Variants in NR2E3 observed in about 807,000 individuals in gnomAD.
NR2E3 encodes the protein photoreceptor-specific nuclear receptor.
A neutral mutation model predicts 37.6 loss-of-function variants in NR2E3; 38 were observed. The observed-to-expected ratio is 1.01, with a 90% CI of 0.78 to 1.33. The LOEUF (loss-of-function observed/expected upper bound fraction) is 1.33. NR2E3 is among the 40% of genes most tolerant of loss of function. The pLI, the probability that NR2E3 is intolerant of heterozygous loss-of-function variation, is 0.00. For missense variants in NR2E3, 562 were observed against 558.7 expected, an observed-to-expected ratio of 1.01 and a Z score of -0.06; for synonymous variants, 235 against 225.1, an observed-to-expected ratio of 1.04 and a Z score of -0.39.
intron 7 of NR2E3, among the ~76,000 whole-genome samples, chr15:71,816,227 T>C (rs903051149): frequency 6.6e-6 from 1 of 152,126 alleles, no homozygotes; most frequent in East Asian, 1.9e-4. Context: ...CATCCGTCTT[T>C]TGTGTTGCGG....
In NR2E3 at chr15:71,812,030, G is replaced by T; in HGVS notation, c.425G>T (p.Arg142Leu). Residue 142 changes from arginine to leucine, a missense_variant, in exon 4 of 8, where the codon CGG becomes CTG. Coordinates refer to ENST00000617575, the MANE Select transcript of NR2E3 (RefSeq NM_014249.4). The stretch of plus-strand genomic sequence containing the variant: ...AGCATGGAGTCCAACACTGAGTCCC[G>T]GCCGGAGTCCCTGGTGGCTCCCCCG... ...LDSMESNTES[R>L]PESLVAPPAP... is the part of the protein sequence containing the mutation. 1 of 1,554,380 alleles carries T rather than the reference G, an allele frequency of 6.4e-7. No homozygotes were observed. The highest frequency in any genetic ancestry group is 1.2e-5 in the South Asian group (1 of 84,192).
At chr15:71,812,233 G>A in intron 4 of NR2E3, 57 bp downstream of exon 4, 1 of 1,607,786 alleles carries the variant, frequency 6.2e-7, no homozygotes, top group African/African-American at 1.3e-5. Flanking sequence ...GTCACAGCAG[G>A]GCTGCAGCGC....
Position 71,810,776 on chromosome 15 carries a change from C to A in NR2E3, c.33C>A (p.Ser11=). ...CCAGACCAACAGCTCTGATGAGCTC[C>A]ACAGTGGCTGCAGCTGCGCCTGCAG... METRPTALMS[S]TVAAAAPAAG... is the part of the protein sequence containing the mutation. Residue 11 remains serine (S), a synonymous_variant, in exon 1 of 8, where the codon TCC becomes TCA. Transcript: ENST00000617575. The A allele has an allele frequency of 6.3e-7, 1 of 1,577,252 alleles. No homozygotes were observed. The highest frequency in any genetic ancestry group is 1.2e-5 in the South Asian group (1 of 85,760).
intron 7 of NR2E3, among the ~76,000 whole-genome samples, chr15:71,816,598 C>A (rs1440754902): frequency 6.6e-6 from 1 of 152,068 alleles, no homozygotes; most frequent in Non-Finnish European, 1.5e-5. Context: ...ATATTTTTTT[C>A]AATGACTATC....
In NR2E3 at chr15:71,817,788, C is replaced by G; in HGVS notation, c.*104C>G. 9.3e-7 allele frequency: 1 copy of G among 1,070,270 alleles called. No individual in the cohort carries two copies. 66.3% of individuals were successfully genotyped at this position (1,070,270 alleles called of 1,614,324 possible). The stretch of plus-strand genomic sequence containing the variant: ...AGCAATTCCTCGTAGGTGTGTGTAC[C>G]CAGCAGAAATGCCCACCGAAAGATA... On this transcript the variant is annotated 3_prime_UTR_variant, in exon 8 of 8. Coordinates refer to ENST00000617575, the MANE Select transcript of NR2E3 (RefSeq NM_014249.4).
chr15:71,814,514 G>T, intron 7 of NR2E3: 4 of 1,007,668 alleles, frequency 4.0e-6, no homozygotes, highest in Non-Finnish European at 4.7e-6. Flanking sequence ...TTTGCAAAGG[G>T]AGAGAGGGGC....
chr15:71,817,851 C>A lies in NR2E3; in HGVS notation c.*167C>A. 2.0e-6 allele frequency: 1 copy of A among 511,462 alleles called. No homozygotes were observed. Among genetic ancestry groups the A allele is most frequent in the Non-Finnish European group, 3.4e-6 (1 of 291,842 alleles). 31.7% of individuals were successfully genotyped at this position (511,462 alleles called of 1,614,324 possible). A position where few individuals can be genotyped will look rare whatever the true frequency, so the allele number is the denominator to read the frequency against. The stretch of plus-strand genomic sequence containing the variant: ...TCATAGCAGCTTTATTCATAATAGC[C>A]CCAAACTGTATATTGATGGTAGGAT... On this transcript the variant is annotated 3_prime_UTR_variant, in exon 8 of 8. Transcript: ENST00000617575.
At chr15:71,812,553 G>T in intron 5 of NR2E3, 42 bp downstream of exon 5, 2 of 1,544,972 alleles carry the variant, frequency 1.3e-6, no homozygotes, top group Non-Finnish European at 1.8e-6. Context: ...GCTGGGCTGG[G>T]GTCAGGCGGC....
intron 7 of NR2E3, among the ~76,000 whole-genome samples, chr15:71,815,351 A>T (rs1267802917): frequency 6.6e-6 from 1 of 152,220 alleles, no homozygotes; most frequent in African/African-American, 2.4e-5. Context: ...TTTTAAGAAA[A>T]GCCACAGTAT....
chr15:71,814,023 C>G lies in NR2E3; in HGVS notation c.1006C>G (p.Leu336Val). ...CTGCTTCTCCCCAGAGACGCGGGGCCTGAAGGATCCTGAGCACGTAGAGGC... is the reference window on the plus strand; with the variant it reads ...CTGCTTCTCCCCAGAGACGCGGGGCGTGAAGGATCCTGAGCACGTAGAGGC... ...LVLFKPETRGLKDPEHVEALQ... is the reference protein window; with the variant it reads ...LVLFKPETRGVKDPEHVEALQ... The change falls in exon 7 of 8, where the codon CTG (leucine) becomes GTG (valine). Residue 336 changes from leucine (L) to valine (V), a missense_variant. Transcript: ENST00000617575. The G allele has an allele frequency of 6.2e-7, 1 of 1,612,106 alleles. No individual in the cohort carries two copies. Among genetic ancestry groups the G allele is most frequent in the Non-Finnish European group, 8.5e-7 (1 of 1,179,432 alleles).
chr15:71,812,262 C>G (rs2054190629), intron 4 of NR2E3, 74 bp from the exon 5 acceptor site: 5 of 1,609,528 alleles, frequency 3.1e-6, no homozygotes, highest in African/African-American at 1.3e-5. Flanking sequence ...GATCCTCCCT[C>G]CCCCGGGGCT....
chr15:71,814,476 GGAA>G (rs1306123007), intron 7 of NR2E3: 28 of 1,043,470 alleles, frequency 2.7e-5, no homozygotes, highest in South Asian at 1.7e-4. Context: ...GGACTTGAAA[GGAA>G]GAAGAAGTCT....
Position 71,813,394 on chromosome 15 carries a change from C to A in NR2E3, c.753C>A (p.Ile251=), listed in dbSNP as rs1163407254. The A allele has an allele frequency of 6.2e-7, 1 of 1,611,286 alleles. No homozygotes were observed. Residue 251 remains isoleucine (I), a synonymous_variant, in exon 6 of 8, where the codon ATC becomes ATA. Coordinates refer to ENST00000617575, the MANE Select transcript of NR2E3 (RefSeq NM_014249.4). This position sits in a 1 kb window ranked among gnomAD's most constrained non-coding sequence, Gnocchi z 4.7. ...FSSLPFRDQV[I]LLEEAWSELF... is the part of the protein sequence containing the mutation. ...GCACCCCTGTCTGAGCACAGGTGAT[C>A]CTGCTGGAAGAGGCGTGGAGTGAAC...
rs2054180854 is a variant in NR2E3 at position 71,811,570 on chromosome 15, G to C, written c.206G>C (p.Gly69Ala). 4 of 1,603,672 alleles carry C rather than the reference G, an allele frequency of 2.5e-6. No individual in the cohort carries two copies. Among genetic ancestry groups the C allele is most frequent in the Non-Finnish European group, 3.4e-6 (4 of 1,175,768 alleles). Reference protein sequence around the residue: ...YGIYACNGCSGFFKRSVRRRL... With the variant: ...YGIYACNGCSAFFKRSVRRRL... ...ATCTATGCCTGCAACGGCTGCAGCG[G>C]CTTCTTCAAGAGGAGCGTACGGCGG... The change falls in exon 2 of 8, where the codon GGC becomes GCC. Residue 69 changes from glycine to alanine, a missense_variant. Gly to Ala is a moderately conservative substitution (Grantham distance 60, BLOSUM62 0). Coordinates refer to ENST00000617575, the MANE Select transcript of NR2E3 (RefSeq NM_014249.4). This position sits in a 1 kb window ranked among gnomAD's most constrained non-coding sequence, Gnocchi z 5.6.
At position 71,811,478 on chromosome 15, in the gene NR2E3, C is replaced by A; in HGVS notation, c.119-5C>A. 1 of 1,554,878 alleles carries A rather than the reference C, an allele frequency of 6.4e-7. No individual in the cohort carries two copies. The highest frequency in any genetic ancestry group is 8.7e-7 in the Non-Finnish European group (1 of 1,149,840). ...CCTGGCCCAGCCCTGCCCCCTGCCC[C>A]TCAGGCGTGAGCCCCTCGCTCCAGT... On this transcript the variant is annotated splice_polypyrimidine_tract_variant and splice_region_variant and intron_variant, in intron 1 of 7. Coordinates refer to ENST00000617575, the MANE Select transcript of NR2E3 (RefSeq NM_014249.4). The surrounding 1 kb of genome is among the most constrained non-coding windows in gnomAD (Gnocchi z 5.6).
chr15:71,811,809 C>G lies in NR2E3; in HGVS notation c.289C>G (p.Arg97Gly). The G allele has an allele frequency of 7.1e-6, 11 of 1,551,342 alleles. No individual in the cohort carries two copies. Among genetic ancestry groups the G allele is most frequent in the Non-Finnish European group, 9.6e-6 (11 of 1,147,022 alleles). The change falls in exon 3 of 8, where the codon CGC becomes GGC. Residue 97 changes from arginine to glycine, a missense_variant. Physicochemically the swap from Arg to Gly is moderately radical, Grantham distance 125. Coordinates refer to ENST00000617575, the MANE Select transcript of NR2E3 (RefSeq NM_014249.4). This position sits in a 1 kb window ranked among gnomAD's most constrained non-coding sequence, Gnocchi z 5.6. ...GATGTGCCCCGTGGACAAGGCCCAC[C>G]GCAACCAGTGCCAGGCCTGCCGGCT... is the stretch of plus-strand genomic sequence containing the variant. ...AGMCPVDKAH[R>G]NQCQACRLKK... is the part of the protein sequence containing the mutation.
chr15:71,814,569 A>G, intron 7 of NR2E3: 3 of 950,928 alleles, frequency 3.2e-6, no homozygotes, highest in Non-Finnish European at 2.5e-6. Context: ...TGAAGGTATA[A>G]CAGGTTCCTG....
At chr15:71,817,088 GCTTTT>G (rs1334036085) in intron 7 of NR2E3, among the ~76,000 whole-genome samples, 1 of 149,782 alleles carries the variant, frequency 6.7e-6, no homozygotes, top group Non-Finnish European at 1.5e-5. Flanking sequence ...GGTTAATGCG[GCTTTT>G]CTTTTTTCTT....
chr15:71,811,826 C>T lies in NR2E3; in HGVS notation c.306C>T (p.Ala102=), dbSNP rs760466119. 3 of 1,551,450 alleles carry T rather than the reference C, an allele frequency of 1.9e-6. No individual in the cohort carries two copies. The highest frequency in any genetic ancestry group is 1.2e-5 in the South Asian group (1 of 84,070). Residue 102 remains alanine (A), a synonymous_variant, in exon 3 of 8, where the codon GCC becomes GCT. Transcript: ENST00000617575. This position sits in a 1 kb window ranked among gnomAD's most constrained non-coding sequence, Gnocchi z 5.6. Reference sequence around the variant, plus strand: ...AGGCCCACCGCAACCAGTGCCAGGCCTGCCGGCTGAAGAAGTGCCTGCAGG... The same window carrying T: ...AGGCCCACCGCAACCAGTGCCAGGCTTGCCGGCTGAAGAAGTGCCTGCAGG... ...VDKAHRNQCQ[A]CRLKKCLQAG...
Sources: allele counts gnomAD v4.1 joint callset (sites outside exome capture counted in the v4.1 genomes callset), GRCh38; gene constraint gnomAD v4.1.1; non-coding constraint Gnocchi (gnomAD v3.1); transcripts MANE v1.5; gene names NCBI Gene and HGNC (gene_info 2026-07-23, HGNC 2026-07-21).